LAMA1: variants seen among roughly 807,000 people sequenced by gnomAD.
LAMA1 encodes laminin subunit alpha 1, also known as laminin subunit alpha-1.
In LAMA1, 219 loss-of-function variants were observed where a neutral mutation model predicts 348.7. That is an observed-to-expected ratio of 0.63 (90% CI 0.56 to 0.70). The LOEUF is 0.70. Among genes scored for constraint, LAMA1 ranks in the 30% least tolerant of loss-of-function variants. The pLI is 0.00. For synonymous variants in LAMA1, 1,487 were observed against 1,491.0 expected (o/e 1.00, Z 0.06); for missense variants, 3,744 against 3,888.0 (o/e 0.96, Z 0.99).
intron 1 of LAMA1, among the ~76,000 whole-genome samples, chr18:7,115,820 A>AAAAAAAAAC (rs1598327418): frequency 3.4e-5 from 5 of 148,620 alleles, no homozygotes; most frequent in Admixed American, 2.0e-4. Flanking sequence ...AATACAAAAA[A>AAAAAAAAAC]AAAAAAAAAA....
At chr18:7,049,311 A>AT in intron 4 of LAMA1, 54 bp from the exon 5 acceptor site, 6 of 1,496,422 alleles carry the variant, frequency 4.0e-6, no homozygotes, top group East Asian at 2.3e-5. Context: ...TTATTTATTT[A>AT]TTTTTTGAGA....
Position 6,999,589 on chromosome 18 carries a change from G to A in LAMA1, c.4519C>T (p.Gln1507Ter). Residue 1507 changes from glutamine (Q) to a stop codon, truncating the protein, a stop_gained, in exon 32 of 63, where the codon CAG (glutamine) becomes TAG (stop). Transcript: ENST00000389658. LOFTEE classifies it high-confidence loss of function. The stretch of plus-strand genomic sequence containing the variant: ...CCGTGCGGGTTGCAGTCACACTTCT[G>A]GCAACTGCCACCTGGTGTTTGAGGG... The part of the protein sequence containing the change: ...GNPQTPGGSC[Q>*]KCDCNPHGSV... 1 of 1,613,770 alleles carries A rather than the reference G, an allele frequency of 6.2e-7. No homozygotes were observed. The highest frequency in any genetic ancestry group is 8.5e-7 in the Non-Finnish European group (1 of 1,179,934).
chr18:7,032,040 C>A lies in LAMA1; in HGVS notation c.2274+26G>T, dbSNP rs780044929. 2.5e-6 allele frequency: 4 copies of A among 1,577,906 alleles called. No homozygotes were observed. In the African/African-American group the frequency reaches 5.4e-5, roughly 21 times the overall value. The stretch of plus-strand genomic sequence containing the variant: ...TGGCTCTGAATTGAGGAGGAGAGGG[C>A]ACCTGAACTACAGTGAGAGACTCAC... On this transcript the variant is annotated intron_variant, in intron 16 of 62. Transcript: ENST00000389658.
Position 7,013,877 on chromosome 18 carries a change from C to T in LAMA1, c.3301G>A (p.Ala1101Thr), listed in dbSNP as rs749492484. ...CAGAGACCCTGCTCCAGGTTGCAGGCGTCCCCCGACGTCCCCCTCAGGTCA... is the reference window on the plus strand; with the variant it reads ...CAGAGACCCTGCTCCAGGTTGCAGGTGTCCCCCGACGTCCCCCTCAGGTCA... ...DCDLRGTSGD[A>T]CNLEQGLCGC... The change falls in exon 23 of 63, where the codon GCC becomes ACC. Residue 1101 changes from alanine to threonine, a missense_variant. By Grantham distance (58) the Ala-to-Thr change is moderately conservative (BLOSUM62 0). Coordinates refer to ENST00000389658, the MANE Select transcript of LAMA1 (RefSeq NM_005559.4). 30 of 1,611,454 alleles carry T rather than the reference C, an allele frequency of 1.9e-5. No homozygotes were observed. The highest frequency in any genetic ancestry group is 5.3e-5 in the African/African-American group (4 of 74,844).
At chr18:7,097,402 T>C (rs1238488663) in intron 1 of LAMA1, among the ~76,000 whole-genome samples, 3 of 152,126 alleles carry the variant, frequency 2.0e-5, no homozygotes, top group African/African-American at 7.2e-5. Flanking sequence ...AAAAGATATT[T>C]CTTATTCATG....
Position 7,016,542 on chromosome 18 carries a change from A to G in LAMA1, c.2938T>C (p.Cys980Arg), listed in dbSNP as rs753166757. 1 of 1,614,102 alleles carries G rather than the reference A, an allele frequency of 6.2e-7. No individual in the cohort carries two copies. Among genetic ancestry groups the G allele is most frequent in the Admixed American group, 1.7e-5 (1 of 60,004 alleles). Reference protein sequence around the residue: ...HCVPGVAGKRCDRCAHGFYAY... With the variant: ...HCVPGVAGKRRDRCAHGFYAY... ...TAGAAGCCATGGGCACACCTGTCAC[A>G]CCTTTTCCCTGCCACACCTGGGACA... is the stretch of plus-strand genomic sequence containing the variant. The change falls in exon 21 of 63, where the codon TGT becomes CGT. Residue 980 changes from cysteine to arginine, a missense_variant. Around this residue, in one of 3 missense-constraint regions of LAMA1, gnomAD observed 1,529 missense variants for 1,689.4 expected, o/e 0.91. Coordinates refer to ENST00000389658, the MANE Select transcript of LAMA1 (RefSeq NM_005559.4).
intron 19 of LAMA1, 140 bp downstream of exon 19, chr18:7,023,024 A>C (rs2058821210): frequency 2.2e-6 from 2 of 891,928 alleles, no homozygotes; most frequent in Non-Finnish European, 3.5e-6. Flanking sequence ...GTATTTGATC[A>C]GAGACCCAGC....
intron 11 of LAMA1, chr18:7,038,588 C>T: frequency 1.5e-6 from 1 of 646,882 alleles, no homozygotes; most frequent in Non-Finnish European, 2.7e-6. Flanking sequence ...AGTGCCACAT[C>T]ATCCTGTTTT....
rs75819966 is a variant in LAMA1, at chr18:7,112,573, A to G, written c.61+5087T>C. Among the ~76,000 whole-genome samples, 385 of 151,906 alleles carry G rather than the reference A, an allele frequency of 2.5e-3. 2 individuals carry two copies. Among genetic ancestry groups the G allele is most frequent in the African/African-American group, 8.9e-3 (368 of 41,442 alleles). ...TATAGTACCTTTTGCATTTCATACC[A>G]TAAATGTGGATTATCTATTAAAATA... is the stretch of plus-strand genomic sequence containing the variant. On this transcript the variant is annotated intron_variant, in intron 1 of 62. Coordinates refer to ENST00000389658, the MANE Select transcript of LAMA1 (RefSeq NM_005559.4).
At chr18:6,986,074 T>C in intron 37 of LAMA1, 63 bp downstream of exon 37, 3 of 1,583,652 alleles carry the variant, frequency 1.9e-6, no homozygotes, top group Non-Finnish European at 2.6e-6. Flanking sequence ...CACTTTTAAT[T>C]GCTTACGTTG....
chr18:7,017,456 AAAGG>A, intron 19 of LAMA1, 72 bp from the exon 20 acceptor site: 1 of 992,678 alleles, frequency 1.0e-6, no homozygotes, highest in Non-Finnish European at 1.6e-6. Flanking sequence ...CGTCATCCCC[AAAGG>A]AAAAAAAAAA....
intron 42 of LAMA1, 51 bp downstream of exon 42, chr18:6,980,470 G>T: frequency 8.6e-7 from 1 of 1,157,536 alleles, no homozygotes; most frequent in Non-Finnish European, 1.3e-6. Flanking sequence ...CCTGAGTGAT[G>T]CTTTTACAAT....
intron 21 of LAMA1, among the ~76,000 whole-genome samples, chr18:7,016,153 G>C (rs112614430): frequency 3.9e-5 from 6 of 152,252 alleles, no homozygotes; most frequent in African/African-American, 1.4e-4. Context: ...ACTTACTGCA[G>C]GCCCAATGCC....
chr18:6,964,441 G>A (rs1020745035), intron 51 of LAMA1, among the ~76,000 whole-genome samples: 1 of 152,172 alleles, frequency 6.6e-6, no homozygotes, highest in African/African-American at 2.4e-5. Flanking sequence ...GAATCCCTGA[G>A]GCGACCAGAA....
In LAMA1 at chr18:7,010,085, G is replaced by C. The variant is rs546920387; in HGVS notation, c.3873+115C>G. On this transcript the variant is annotated intron_variant, in intron 26 of 62. Coordinates refer to ENST00000389658, the MANE Select transcript of LAMA1 (RefSeq NM_005559.4). ...GCTTCTCAAAGTGGTGGGATTACAGGTGTGAGCCACCGTACCTGGCTGCTC... is the reference window on the plus strand; with the variant it reads ...GCTTCTCAAAGTGGTGGGATTACAGCTGTGAGCCACCGTACCTGGCTGCTC... 5 of 1,206,292 alleles carry C rather than the reference G, an allele frequency of 4.1e-6. No homozygotes were observed. In the South Asian group the frequency reaches 6.3e-5, roughly 15 times the overall value. 74.7% of individuals were successfully genotyped at this position (1,206,292 alleles called of 1,614,324 possible).
chr18:6,955,091 C>T, intron 57 of LAMA1: 1 of 507,236 alleles, frequency 2.0e-6, no homozygotes, highest in Non-Finnish European at 3.6e-6. Flanking sequence ...TGCCCACACG[C>T]TTCCTTACAT....
chr18:6,982,502 A>C lies in LAMA1; in HGVS notation c.5885T>G (p.Leu1962Arg). ...LKEGNNLSRK[L>R]PGIALELSEL... The stretch of plus-strand genomic sequence containing the variant: ...CGTCCGAGCCACATACTGACCTGGA[A>C]GCTTCCTGCTGAGGTTGTTGCCTTC... Residue 1962 changes from leucine (L) to arginine (R), a missense_variant, in exon 41 of 63, where the codon CTT (leucine) becomes CGT (arginine). This residue lies in a region of LAMA1 where 1,983 missense variants were observed against 1,934.3 expected (regional missense o/e 1.03). Coordinates refer to ENST00000389658, the MANE Select transcript of LAMA1 (RefSeq NM_005559.4). The C allele has an allele frequency of 6.2e-7, 1 of 1,614,138 alleles. No homozygotes were observed. Among genetic ancestry groups the C allele is most frequent in the Non-Finnish European group, 8.5e-7 (1 of 1,179,958 alleles).
intron 1 of LAMA1, among the ~76,000 whole-genome samples, chr18:7,084,488 T>C (rs2058207143): frequency 6.6e-6 from 1 of 152,214 alleles, no homozygotes; most frequent in Non-Finnish European, 1.5e-5. Context: ...TGTTGAGAAA[T>C]GTTATTCACT....
chr18:7,034,887 T>C (rs993470041), intron 13 of LAMA1, among the ~76,000 whole-genome samples, 197 bp from the exon 14 acceptor site: 3 of 152,038 alleles, frequency 2.0e-5, no homozygotes, highest in African/African-American at 4.8e-5. Context: ...TTTAGAGGGG[T>C]TCTGGTAATA....
Sources: allele counts gnomAD v4.1 joint callset (sites outside exome capture counted in the v4.1 genomes callset), GRCh38; gene constraint gnomAD v4.1.1; regional missense constraint gnomAD v4.1.1; transcripts MANE v1.5; gene names NCBI Gene and HGNC (gene_info 2026-07-23, HGNC 2026-07-21).